SBF2: variants seen among roughly 807,000 people sequenced by gnomAD.
SBF2 encodes the protein SET binding factor 2.
SBF2 carries 112 observed loss-of-function variants against 225.2 expected under a neutral mutation model. The ratio of observed to expected loss-of-function variants is 0.50; its 90% CI spans 0.43 to 0.58. The LOEUF (loss-of-function observed/expected upper bound fraction) is 0.58. Ranked by LOEUF, SBF2 falls within the 20% of genes least tolerant of loss-of-function variation. The pLI, the probability that SBF2 is intolerant of heterozygous loss-of-function variation, is 0.00. For synonymous variants in SBF2, 763 were observed against 773.3 expected (o/e 0.99, Z 0.22); for missense variants, 1,996 against 2,206.2 (o/e 0.90, Z 1.91).
At chr11:10,231,351 G>A (rs1958835995) in intron 1 of SBF2, among the ~76,000 whole-genome samples, 1 of 152,186 alleles carries the variant, frequency 6.6e-6, no homozygotes, top group African/African-American at 2.4e-5. Context: ...TTGCTGGTGA[G>A]GAGCTGCGTT....
At chr11:10,221,302 G>C (rs1441590405) in intron 1 of SBF2, among the ~76,000 whole-genome samples, 2 of 151,774 alleles carry the variant, frequency 1.3e-5, no homozygotes, top group African/African-American at 2.4e-5. Context: ...ATTTTTAGTA[G>C]AGATAGTGTT....
intron 16 of SBF2, among the ~76,000 whole-genome samples, chr11:9,928,701 T>C (rs1444571044): frequency 6.6e-6 from 1 of 152,196 alleles, no homozygotes; most frequent in Non-Finnish European, 1.5e-5. Context: ...ATGAATCAAA[T>C]ATTCATTAAC....
chr11:9,883,389 G>A (rs1368531847), intron 17 of SBF2, among the ~76,000 whole-genome samples: 1 of 151,916 alleles, frequency 6.6e-6, no homozygotes, highest in South Asian at 2.1e-4. Flanking sequence ...CATAGCAGAG[G>A]ACTGCAGGTG....
intron 2 of SBF2, among the ~76,000 whole-genome samples, chr11:10,128,489 T>C (rs1237966182): frequency 6.6e-6 from 1 of 152,240 alleles, no homozygotes; most frequent in African/African-American, 2.4e-5. Flanking sequence ...GCAGAGATTA[T>C]ATTTTTTACA....
intron 1 of SBF2, among the ~76,000 whole-genome samples, chr11:10,270,926 C>T (rs183709117): frequency 0.024 from 3,108 of 130,422 alleles, 86 homozygotes; most frequent in African/African-American, 0.071. Flanking sequence ...ACCCGGGAGG[C>T]GGACCTTGCA....
At chr11:10,155,934 C>T (rs1018292890) in intron 2 of SBF2, among the ~76,000 whole-genome samples, 2 of 152,196 alleles carry the variant, frequency 1.3e-5, no homozygotes, top group Admixed American at 6.5e-5. Flanking sequence ...CAGTCAGGGA[C>T]GTGTGGCTGG....
chr11:9,791,120 A>G (rs1564856570), intron 33 of SBF2: 1 of 175,012 alleles, frequency 5.7e-6, no homozygotes, highest in Non-Finnish European at 1.2e-5. Context: ...AAGCCATTTA[A>G]AGAGTTTTCT....
At chr11:10,211,455 G>C (rs954513946) in intron 1 of SBF2, among the ~76,000 whole-genome samples, 2 of 152,170 alleles carry the variant, frequency 1.3e-5, no homozygotes, top group African/African-American at 4.8e-5. Flanking sequence ...CTTCAGAAAG[G>C]ACATCCCAAT....
chr11:10,179,102 CG>C (rs1956609739), intron 2 of SBF2, among the ~76,000 whole-genome samples: 1 of 149,606 alleles, frequency 6.7e-6, no homozygotes, highest in Non-Finnish European at 1.5e-5. Flanking sequence ...GAACAAAAAA[CG>C]AAACACCACA....
chr11:9,935,371 C>A (rs1290729269), intron 16 of SBF2, among the ~76,000 whole-genome samples: 2 of 152,106 alleles, frequency 1.3e-5, no homozygotes, highest in African/African-American at 4.8e-5. Context: ...TGAAAATGGC[C>A]ATACTGCCCA....
chr11:9,852,552 A>G (rs902039194), intron 21 of SBF2, 124 bp downstream of exon 21: 9 of 759,322 alleles, frequency 1.2e-5, no homozygotes, highest in Non-Finnish European at 2.2e-5. Flanking sequence ...AGTTTAACAT[A>G]TCATTAAAAC....
chr11:10,236,168 T>C (rs1315090468), intron 1 of SBF2, among the ~76,000 whole-genome samples: 1 of 152,112 alleles, frequency 6.6e-6, no homozygotes, highest in Non-Finnish European at 1.5e-5. Flanking sequence ...ACGTTCGATT[T>C]AGGTCCAGCT....
In SBF2 at chr11:9,962,433, C is replaced by T. The variant is rs56393596; in HGVS notation, c.1711-327G>A. Among the ~76,000 whole-genome samples, 1,239 of 152,162 alleles carry T rather than the reference C, an allele frequency of 8.1e-3. 22 individuals are homozygous for T. Among genetic ancestry groups the T allele is most frequent in the African/African-American group, 0.028 (1,153 of 41,498 alleles). ...AGATCATGAGTCAAAGCCATAGATA[C>T]GTAAGACACCTTTCTATAACTAGTA... is the stretch of plus-strand genomic sequence containing the variant. On this transcript the variant is annotated intron_variant, in intron 15 of 39. Coordinates refer to ENST00000256190, the MANE Select transcript of SBF2 (RefSeq NM_030962.4).
intron 1 of SBF2, among the ~76,000 whole-genome samples, chr11:10,232,288 A>G (rs909231343): frequency 1.1e-4 from 16 of 152,156 alleles, no homozygotes; most frequent in Non-Finnish European, 2.1e-4. Context: ...GCTTCAGCTC[A>G]CGCTCGGTGC....
At chr11:10,295,325 A>G (rs1372389567), upstream of SBF2, among the ~76,000 whole-genome samples, 2 of 152,234 alleles carry the variant, frequency 1.3e-5, no homozygotes, top group Non-Finnish European at 2.9e-5. Context: ...AACGACCAGC[A>G]GGAAGCCGCA....
chr11:9,828,694 T>A, intron 28 of SBF2: 1 of 937,566 alleles, frequency 1.1e-6, no homozygotes, highest in Non-Finnish European at 1.3e-6. Flanking sequence ...AAACAAATTG[T>A]ACTGAAAATC....
intron 23 of SBF2, 53 bp from the exon 24 acceptor site, chr11:9,845,793 CT>C: frequency 6.4e-7 from 1 of 1,552,118 alleles, no homozygotes; most frequent in Non-Finnish European, 8.9e-7. Flanking sequence ...TTCCTGGCAA[CT>C]TTCCCCCAAA....
chr11:9,858,258 C>T lies in SBF2; in HGVS notation c.2068G>A (p.Glu690Lys), dbSNP rs930022510. 5 of 1,614,144 alleles carry T rather than the reference C, an allele frequency of 3.1e-6. No homozygotes were observed. The highest frequency in any genetic ancestry group is 4.2e-6 in the Non-Finnish European group (5 of 1,180,030). The stretch of plus-strand genomic sequence containing the variant: ...TTCAGATGCGGGGCATGATTGTCTT[C>T]CTTGGCTGAGAGATAAAGGGAGCGA... Reference protein sequence around the residue: ...QVRSLYLSAKEDNHAPHLKQK... With the variant: ...QVRSLYLSAKKDNHAPHLKQK... Residue 690 changes from glutamate (E) to lysine (K), a missense_variant, in exon 18 of 40, where the codon GAA becomes AAA. By Grantham distance (56) the Glu-to-Lys change is moderately conservative (BLOSUM62 1). Coordinates refer to ENST00000256190, the MANE Select transcript of SBF2 (RefSeq NM_030962.4).
At chr11:10,253,001 A>G (rs1274194172) in intron 1 of SBF2, among the ~76,000 whole-genome samples, 1 of 151,798 alleles carries the variant, frequency 6.6e-6, no homozygotes, top group Admixed American at 6.6e-5. Context: ...GGATCTGCCC[A>G]GTTAGCAAAC....
Sources: allele counts gnomAD v4.1 joint callset (sites outside exome capture counted in the v4.1 genomes callset), GRCh38; gene constraint gnomAD v4.1.1; transcripts MANE v1.5; gene names NCBI Gene and HGNC (gene_info 2026-07-23, HGNC 2026-07-21).